The following ANKAR variants were observed in gnomAD, a reference collection of about 807,000 sequenced individuals.
ANKAR encodes the protein ankyrin and armadillo repeat-containing protein.
Under a neutral mutation model 146.2 loss-of-function variants are expected in ANKAR, and 136 were observed. The ratio of observed to expected loss-of-function variants is 0.93; its 90% CI spans 0.81 to 1.07. ANKAR has a LOEUF of 1.07. Among genes scored for constraint, ANKAR ranks in the 50% least tolerant of loss-of-function variants. The pLI, the probability that ANKAR is intolerant of heterozygous loss-of-function variation, is 0.00. For synonymous variants in ANKAR, 500 were observed against 575.8 expected, an observed-to-expected ratio of 0.87 and a Z score of 1.88; for missense variants, 1,567 against 1,679.9, an observed-to-expected ratio of 0.93 and a Z score of 1.18.
chr2:189,752,891 G>A, intron 18 of ANKAR: 1 of 1,613,848 alleles, frequency 6.2e-7, no homozygotes, highest in Non-Finnish European at 8.5e-7. Context: ...TCTGGGAGGA[G>A]GACACAACAA....
At chr2:189,760,915 C>T (rs1171009295) in intron 18 of ANKAR, among the ~76,000 whole-genome samples, 1 of 152,210 alleles carries the variant, frequency 6.6e-6, no homozygotes, top group Non-Finnish European at 1.5e-5. Context: ...CTCCTCCAGA[C>T]ATTTTCCACT....
chr2:189,755,677 A>G (rs1367990683), intron 18 of ANKAR: 8 of 1,105,200 alleles, frequency 7.2e-6, no homozygotes, highest in Non-Finnish European at 1.0e-5. Flanking sequence ...TAAGTCAAGT[A>G]TTTTCTAATT....
chr2:189,734,834 C>T lies in ANKAR; in HGVS notation c.3423+1605C>T, dbSNP rs1028942914. On this transcript the variant is annotated intron_variant, in intron 17 of 22. Coordinates refer to ENST00000684021, the MANE Select transcript of ANKAR (RefSeq NM_001378068.1). ...TAAAAATTGGCCGGGCGTGGTGGCACATGCCTGTAGTCCTAGCTACTTGGG... is the reference window on the plus strand; with the variant it reads ...TAAAAATTGGCCGGGCGTGGTGGCATATGCCTGTAGTCCTAGCTACTTGGG... 9.9e-5 allele frequency among the ~76,000 whole-genome samples: 15 copies of T among 152,048 alleles called. No individual in the cohort carries two copies. The East Asian group carries it at 2.9e-3, about 29-fold the overall frequency.
chr2:189,710,762 A>C (rs1449839692), intron 9 of ANKAR, among the ~76,000 whole-genome samples: 1 of 152,178 alleles, frequency 6.6e-6, no homozygotes, highest in African/African-American at 2.4e-5. Context: ...TGATCATGCC[A>C]TTGCACTCCA....
chr2:189,700,273 T>G (rs1166715772), intron 7 of ANKAR, among the ~76,000 whole-genome samples: 1 of 152,206 alleles, frequency 6.6e-6, no homozygotes, highest in Non-Finnish European at 1.5e-5. Context: ...TCTCAACACT[T>G]TATTTTCCTC....
Position 189,752,557 on chromosome 2 carries a change from C to T in ANKAR, c.*584+7769C>T. ...TTATGTAACTTTCCTTCAAGTACCACCAGAATGTCAATGAAAACCTCATAT... is the reference window on the plus strand; with the variant it reads ...TTATGTAACTTTCCTTCAAGTACCATCAGAATGTCAATGAAAACCTCATAT... On this transcript the variant is annotated intron_variant and NMD_transcript_variant, in intron 18 of 18. Coordinates refer to the ANKAR transcript ENST00000441800. 3 of 1,160,266 alleles carry T rather than the reference C, an allele frequency of 2.6e-6. No individual in the cohort carries two copies. In the East Asian group the frequency reaches 7.1e-5, roughly 27 times the overall value. 71.9% of individuals were successfully genotyped at this position (1,160,266 alleles called of 1,614,324 possible).
chr2:189,677,505 G>A (rs1429646295), intron 2 of ANKAR, among the ~76,000 whole-genome samples: 1 of 151,858 alleles, frequency 6.6e-6, no homozygotes, highest in Non-Finnish European at 1.5e-5. Context: ...CGTCCTCATA[G>A]CTTAGCTCCC....
In ANKAR at chr2:189,705,103, A is replaced by T. The variant is rs913679663; in HGVS notation, c.1789A>T (p.Thr597Ser). Residue 597 changes from threonine to serine, a missense_variant, in exon 8 of 23, where the codon ACG (threonine) becomes TCG (serine). By Grantham distance (58) the Thr-to-Ser change is moderately conservative. Coordinates refer to ENST00000684021, the MANE Select transcript of ANKAR (RefSeq NM_001378068.1). The stretch of plus-strand genomic sequence containing the variant: ...TCTACTGTGTTCCAAAGCTGATTAC[A>T]CGCTTTCTGAAAAAAGAGGCTGGAT... ...VCLLCSKADY[T>S]LSEKRGWMPI... 1.2e-6 allele frequency: 2 copies of T among 1,614,064 alleles called. No homozygotes were observed. The highest frequency in any genetic ancestry group is 1.7e-6 in the Non-Finnish European group (2 of 1,180,008).
chr2:189,706,777 G>A (rs2039007727), intron 8 of ANKAR, among the ~76,000 whole-genome samples, 161 bp from the exon 9 acceptor site: 2 of 152,178 alleles, frequency 1.3e-5, no homozygotes, highest in African/African-American at 2.4e-5. Context: ...CATGGCAAAG[G>A]AGGCAAATCC....
intron 1 of ANKAR, chr2:189,676,106 C>G (rs1018535857): frequency 3.3e-5 from 6 of 180,406 alleles, no homozygotes; most frequent in African/African-American, 1.4e-4. Context: ...GCAACACAAA[C>G]AGACTAACAC....
downstream of ANKAR, among the ~76,000 whole-genome samples, chr2:189,749,229 G>A (rs1432957646): frequency 6.2e-5 from 8 of 129,768 alleles, no homozygotes; most frequent in Admixed American, 4.4e-4. Context: ...CTGGACAACA[G>A]AGCGAGACTC....
intron 18 of ANKAR, among the ~76,000 whole-genome samples, chr2:189,759,293 G>A (rs1307538617): frequency 6.6e-6 from 1 of 151,752 alleles, no homozygotes; most frequent in Non-Finnish European, 1.5e-5. Flanking sequence ...CTGTCGCCCG[G>A]GCTGGAGTCC....
At chr2:189,732,883 G>C (rs1383097503) in intron 16 of ANKAR, among the ~76,000 whole-genome samples, 1 of 152,026 alleles carries the variant, frequency 6.6e-6, no homozygotes, top group Non-Finnish European at 1.5e-5. Flanking sequence ...GAGCTCTGTG[G>C]TTGGTCCCTG....
chr2:189,715,654 A>G (rs2040363295), intron 10 of ANKAR, among the ~76,000 whole-genome samples: 1 of 152,240 alleles, frequency 6.6e-6, no homozygotes. Context: ...ATTTTAGACC[A>G]ATATCCCTGA....
intron 18 of ANKAR, among the ~76,000 whole-genome samples, chr2:189,756,952 C>CT (rs2046178081): frequency 6.6e-6 from 1 of 152,238 alleles, no homozygotes; most frequent in African/African-American, 2.4e-5. Context: ...TCTTCCTTCT[C>CT]TGTCTTGCCT....
At position 189,695,112 on chromosome 2, in the gene ANKAR, A is replaced by G; in HGVS notation, c.1439A>G (p.His480Arg). ...KRLPLTDAQL[H>R]EQFKKKLGFK... ...CTTCCACTGACAGATGCTCAATTAC[A>G]TGAACAATTTAAGAAAAAGCTTGGT... is the stretch of plus-strand genomic sequence containing the variant. Residue 480 changes from histidine (H) to arginine (R), a missense_variant, in exon 6 of 23, where the codon CAT becomes CGT. Transcript: ENST00000684021. The G allele has an allele frequency of 1.9e-6, 3 of 1,609,472 alleles. No homozygotes were observed. The highest frequency in any genetic ancestry group is 1.7e-4 in the Middle Eastern group (1 of 5,984).
downstream of ANKAR, chr2:189,762,836 TC>T (rs1182152788): frequency 1.0e-6 from 1 of 985,320 alleles, no homozygotes; most frequent in African/African-American, 1.7e-5. Flanking sequence ...TGGCTGCTGT[TC>T]CGCTAGCGAG....
chr2:189,677,829 A>G (rs1021390444), intron 2 of ANKAR, among the ~76,000 whole-genome samples: 1 of 151,624 alleles, frequency 6.6e-6, no homozygotes, highest in Non-Finnish European at 1.5e-5. Context: ...TTCTTTATCT[A>G]CTCATTGGTT....
At chr2:189,707,951 G>T (rs979027399) in intron 9 of ANKAR, among the ~76,000 whole-genome samples, 1 of 152,184 alleles carries the variant, frequency 6.6e-6, no homozygotes, top group African/African-American at 2.4e-5. Context: ...AACTGACAGT[G>T]CCCGTTAGGA....
Sources: allele counts gnomAD v4.1 joint callset (sites outside exome capture counted in the v4.1 genomes callset), GRCh38; gene constraint gnomAD v4.1.1; transcripts MANE v1.5; gene names NCBI Gene and HGNC (gene_info 2026-07-23, HGNC 2026-07-21).